VIT: variants seen among roughly 807,000 people sequenced by gnomAD.
VIT encodes vitrin.
In VIT, 99 loss-of-function variants were observed where a neutral mutation model predicts 78.0. That is an observed-to-expected ratio of 1.27 (90% CI 1.08 to 1.50). The LOEUF (loss-of-function observed/expected upper bound fraction) is 1.50. Among genes scored for constraint, VIT ranks in the 40% most tolerant of loss-of-function variants. The pLI is 0.00. For missense variants in VIT, 1,126 were observed against 875.3 expected (o/e 1.29, Z -3.61); for synonymous variants, 374 against 334.3 (o/e 1.12, Z -1.29).
intron 2 of VIT, among the ~76,000 whole-genome samples, chr2:36,720,691 A>T (rs1341627166): frequency 6.6e-6 from 1 of 152,184 alleles, no homozygotes; most frequent in Non-Finnish European, 1.5e-5. Flanking sequence ...GAGCCAGGGA[A>T]ATAGGGAGAT....
At chr2:36,801,227 C>T in intron 12 of VIT, 74 bp from the exon 13 acceptor site, 1 of 1,329,232 alleles carries the variant, frequency 7.5e-7, no homozygotes, top group East Asian at 2.3e-5. Context: ...ATAAAAGAAT[C>T]AACCATGATC....
At chr2:36,788,730 T>G (rs1665275699) in intron 12 of VIT, among the ~76,000 whole-genome samples, 4 of 152,228 alleles carry the variant, frequency 2.6e-5, no homozygotes, top group African/African-American at 9.6e-5. Flanking sequence ...CCAAATGTCC[T>G]TAGTCAGTTT....
At chr2:36,717,166 C>A (rs911542514) in intron 2 of VIT, among the ~76,000 whole-genome samples, 3 of 149,426 alleles carry the variant, frequency 2.0e-5, no homozygotes, top group Admixed American at 6.7e-5. Context: ...TGAGCCACCA[C>A]GCCCGGCCAG....
chr2:36,702,416 T>TA (rs1553358428), intron 1 of VIT, among the ~76,000 whole-genome samples: 28 of 151,444 alleles, frequency 1.8e-4, no homozygotes, highest in Middle Eastern at 3.4e-3. Flanking sequence ...TTTTTTTTTT[T>TA]AAAAAAGACC....
At chr2:36,711,031 GCAAT>G (rs1665768945) in intron 1 of VIT, among the ~76,000 whole-genome samples, 1 of 152,152 alleles carries the variant, frequency 6.6e-6, no homozygotes, top group African/African-American at 2.4e-5. Flanking sequence ...CTTCCTGTTA[GCAAT>G]TATGCCAGTC....
At chr2:36,788,911 A>C (rs1665289276) in intron 12 of VIT, among the ~76,000 whole-genome samples, 1 of 152,200 alleles carries the variant, frequency 6.6e-6, no homozygotes, top group African/African-American at 2.4e-5. Flanking sequence ...ATTAGAGAAC[A>C]AATGTTGCAG....
intron 3 of VIT, among the ~76,000 whole-genome samples, chr2:36,731,225 G>T (rs1018913736): frequency 7.9e-5 from 12 of 151,960 alleles, no homozygotes; most frequent in Non-Finnish European, 1.5e-4. Flanking sequence ...CTCTCTTTAA[G>T]TACTACTGGC....
intron 12 of VIT, among the ~76,000 whole-genome samples, chr2:36,789,505 G>A (rs1045709150): frequency 3.9e-5 from 6 of 152,164 alleles, no homozygotes; most frequent in South Asian, 4.1e-4. Flanking sequence ...TCCGTGGAGC[G>A]TGGGAAACAA....
intron 1 of VIT, among the ~76,000 whole-genome samples, chr2:36,699,664 A>AGATG (rs1664922971): frequency 6.6e-6 from 1 of 151,408 alleles, no homozygotes; most frequent in Non-Finnish European, 1.5e-5. Context: ...ATAGATAGAT[A>AGATG]GATATGCACA....
chr2:36,774,075 G>A (rs1455986507), intron 8 of VIT, among the ~76,000 whole-genome samples: 2 of 152,154 alleles, frequency 1.3e-5, no homozygotes, highest in Non-Finnish European at 2.9e-5. Context: ...CGAGTCTGTA[G>A]AGGTTGTGAT....
chr2:36,759,968 A>G (rs963591801), intron 6 of VIT, among the ~76,000 whole-genome samples: 5 of 151,334 alleles, frequency 3.3e-5, no homozygotes, highest in African/African-American at 1.2e-4. Context: ...CCCCTCTCTA[A>G]ACCACCATTC....
At chr2:36,785,776 G>C (rs1665053818) in intron 11 of VIT, among the ~76,000 whole-genome samples, 2 of 152,092 alleles carry the variant, frequency 1.3e-5, no homozygotes, top group Admixed American at 1.3e-4. Flanking sequence ...CTACTTCCCT[G>C]GTTTTGATTG....
At chr2:36,718,432 A>G (rs1231232783) in intron 2 of VIT, among the ~76,000 whole-genome samples, 1 of 152,066 alleles carries the variant, frequency 6.6e-6, no homozygotes, top group African/African-American at 2.4e-5. Context: ...TTGTCAAGTC[A>G]CTCATCTTCT....
At chr2:36,781,891 T>G (rs1290489745) in intron 10 of VIT, 120 bp downstream of exon 10, 1 of 1,200,574 alleles carries the variant, frequency 8.3e-7, no homozygotes, top group Non-Finnish European at 1.2e-6. Context: ...GGATTTCTAA[T>G]GGCTCCCGCC....
chr2:36,806,402 G>C (rs750647731), intron 14 of VIT, among the ~76,000 whole-genome samples: 2 of 152,086 alleles, frequency 1.3e-5, no homozygotes, highest in African/African-American at 2.4e-5. Context: ...CCTTCTCCCT[G>C]GACTTCCAGG....
chr2:36,795,228 G>T (rs1249537822), intron 12 of VIT, among the ~76,000 whole-genome samples: 1 of 152,054 alleles, frequency 6.6e-6, no homozygotes, highest in Admixed American at 6.6e-5. Flanking sequence ...TCTCAAACTT[G>T]TAATTCCAGG....
intron 13 of VIT, among the ~76,000 whole-genome samples, chr2:36,803,617 G>C (rs929640): frequency 0.056 from 8,484 of 152,306 alleles, 514 homozygotes; most frequent in East Asian, 0.17. Flanking sequence ...TCCTTAGCAA[G>C]TGGGTTCTGT....
chr2:36,750,986 G>A (rs746812660), intron 4 of VIT, among the ~76,000 whole-genome samples: 7 of 152,288 alleles, frequency 4.6e-5, no homozygotes, highest in South Asian at 2.1e-4. Flanking sequence ...AGGGCTACGC[G>A]TGGTGGCTCA....
At chr2:36,716,082 T>G (rs1666116067) in intron 1 of VIT, among the ~76,000 whole-genome samples, 1 of 152,228 alleles carries the variant, frequency 6.6e-6, no homozygotes, top group African/African-American at 2.4e-5. Flanking sequence ...ATTGTAGAGT[T>G]ATTTCCTCTT....
Sources: gnomAD v4.1 joint callset for allele counts (sites outside exome capture counted in the v4.1 genomes callset) on GRCh38, gnomAD v4.1.1 for gene constraint, MANE v1.5 for transcripts, NCBI Gene and HGNC (gene_info 2026-07-23, HGNC 2026-07-21) for gene names.